SYTL5: variants seen among roughly 807,000 people sequenced by gnomAD.
SYTL5 encodes synaptotagmin like 5, also known as synaptotagmin-like protein 5.
A neutral mutation model predicts 55.9 loss-of-function variants in SYTL5; 34 were observed. The observed-to-expected ratio is 0.61, with a 90% CI of 0.46 to 0.81. SYTL5 has a LOEUF of 0.81. Ranked by LOEUF, SYTL5 falls within the 30% of genes least tolerant of loss-of-function variation. The pLI is 0.00. For missense variants in SYTL5, 637 were observed against 546.7 expected, an observed-to-expected ratio of 1.17 and a Z score of -1.65; for synonymous variants, 221 against 188.7, an observed-to-expected ratio of 1.17 and a Z score of -1.40.
intron 3 of SYTL5, among the ~76,000 whole-genome samples, chrX:38,061,035 G>A (rs1012817223): frequency 9.0e-6 from 1 of 111,652 alleles, no homozygotes; most frequent in African/African-American, 3.3e-5. Flanking sequence ...ATCTTCAATG[G>A]TTACACAGTA....
At chrX:37,952,872 C>T in the SYTL5 span, among the ~76,000 whole-genome samples, 1 of 111,076 alleles carries the variant, frequency 9.0e-6, no homozygotes, top group Non-Finnish European at 1.9e-5. Flanking sequence ...TCCAATTTGA[C>T]TGACTGAGAT....
chrX:38,057,733 C>A (rs1363848780), intron 3 of SYTL5, among the ~76,000 whole-genome samples: 3 of 111,675 alleles, frequency 2.7e-5, no homozygotes, highest in Non-Finnish European at 5.7e-5. Flanking sequence ...CTGTCATCAG[C>A]AAACTTCCTT....
At chrX:38,078,468 G>A (rs1936445072) in intron 6 of SYTL5, among the ~76,000 whole-genome samples, 1 of 110,097 alleles carries the variant, frequency 9.1e-6, no homozygotes, top group African/African-American at 3.3e-5. Context: ...CACCGTGTTA[G>A]CCAGGACAGT....
chrX:38,028,306 T>C (rs1934843604), intron 1 of SYTL5, among the ~76,000 whole-genome samples: 1 of 112,500 alleles, frequency 8.9e-6, no homozygotes, highest in Non-Finnish European at 1.9e-5. Context: ...TAAAGGAAAA[T>C]GCATCATTCC....
At chrX:37,980,194 A>G in the SYTL5 span, among the ~76,000 whole-genome samples, 1 of 112,221 alleles carries the variant, frequency 8.9e-6, no homozygotes, top group African/African-American at 3.2e-5. Context: ...AAATTACATA[A>G]TGAAGTGTTT....
At chrX:38,114,733 A>G (rs1937442574) in intron 13 of SYTL5, among the ~76,000 whole-genome samples, 1 of 111,548 alleles carries the variant, frequency 9.0e-6, no homozygotes, top group African/African-American at 3.3e-5. Flanking sequence ...AAACATTGTT[A>G]TTATTAATAA....
At chrX:38,108,529 A>G (rs956847082) in intron 11 of SYTL5, 71 bp from the exon 12 acceptor site, 4 of 812,770 alleles carry the variant, frequency 4.9e-6, no homozygotes, top group Non-Finnish European at 7.2e-6. Flanking sequence ...TTTTATTCAC[A>G]GCGAAGTCTT....
the SYTL5 span, among the ~76,000 whole-genome samples, chrX:37,956,243 A>G: frequency 8.9e-6 from 1 of 111,925 alleles, no homozygotes; most frequent in South Asian, 3.7e-4. Flanking sequence ...CTGTACTTAA[A>G]TCAAGTCATT....
At chrX:37,990,167 C>T in the SYTL5 span, among the ~76,000 whole-genome samples, 18 of 111,154 alleles carry the variant, frequency 1.6e-4, no homozygotes, top group South Asian at 7.7e-4. Flanking sequence ...CCACTGCGCC[C>T]GGCTGAGCAT....
the SYTL5 span, among the ~76,000 whole-genome samples, chrX:37,979,824 T>A: frequency 1.8e-5 from 2 of 108,848 alleles, no homozygotes; most frequent in African/African-American, 3.4e-5. Context: ...CTTTTTTTTT[T>A]ATTATACTTT....
intron 6 of SYTL5, among the ~76,000 whole-genome samples, chrX:38,081,151 T>C (rs999922829): frequency 7.2e-5 from 8 of 111,352 alleles, no homozygotes; most frequent in African/African-American, 2.6e-4. Context: ...CCCTCCTTTG[T>C]CACTGCTAAT....
At chrX:37,967,497 T>C in the SYTL5 span, among the ~76,000 whole-genome samples, 1 of 112,216 alleles carries the variant, frequency 8.9e-6, no homozygotes, top group Admixed American at 9.4e-5. Flanking sequence ...TCTTTGACTT[T>C]AACTTTTGAT....
chrX:37,928,113 C>T, the SYTL5 span, among the ~76,000 whole-genome samples: 1 of 112,162 alleles, frequency 8.9e-6, no homozygotes, highest in Non-Finnish European at 1.9e-5. Context: ...TACATATATA[C>T]CTGTCCAGAA....
intron 2 of SYTL5, among the ~76,000 whole-genome samples, chrX:38,039,866 T>A (rs1042788336): frequency 1.8e-5 from 2 of 111,805 alleles, no homozygotes; most frequent in East Asian, 2.8e-4. Context: ...TCAAAAAAAA[T>A]TTTTTTTATT....
the SYTL5 span, among the ~76,000 whole-genome samples, chrX:37,894,281 A>T: frequency 2.7e-5 from 3 of 111,743 alleles, no homozygotes; most frequent in Middle Eastern, 9.2e-3. Flanking sequence ...TTTTGGCAGA[A>T]CATGCACTAA....
the SYTL5 span, among the ~76,000 whole-genome samples, chrX:37,920,316 C>A: frequency 9.1e-6 from 1 of 110,078 alleles, no homozygotes; most frequent in African/African-American, 3.3e-5. Flanking sequence ...CACCAAGGTG[C>A]CAAACTGGCA....
At chrX:37,889,991 T>A in the SYTL5 span, among the ~76,000 whole-genome samples, 4,173 of 110,222 alleles carry the variant, frequency 0.038, 193 homozygotes, top group African/African-American at 0.13. Flanking sequence ...ACTGACTGAG[T>A]GGTAAAGTTA....
intron 1 of SYTL5, among the ~76,000 whole-genome samples, chrX:38,031,255 G>A (rs1934944148): frequency 8.9e-6 from 1 of 111,873 alleles, no homozygotes; most frequent in Admixed American, 9.5e-5. Flanking sequence ...TTACACACCA[G>A]TTACGATAAT....
the SYTL5 span, among the ~76,000 whole-genome samples, chrX:37,995,331 C>T: frequency 7.2e-5 from 8 of 111,871 alleles, no homozygotes; most frequent in African/African-American, 2.0e-4. Flanking sequence ...CACGGGCTGG[C>T]ATGAACTTCA....
Sources: allele counts gnomAD v4.1 joint callset (sites outside exome capture counted in the v4.1 genomes callset), GRCh38; gene constraint gnomAD v4.1.1; transcripts MANE v1.5; gene names NCBI Gene and HGNC (gene_info 2026-07-23, HGNC 2026-07-21).